MYRIP: variants seen among roughly 807,000 people sequenced by gnomAD.
MYRIP encodes rab effector MyRIP.
MYRIP carries 49 observed loss-of-function variants against 98.0 expected under a neutral mutation model. The observed-to-expected ratio is 0.50, with a 90% CI of 0.40 to 0.63. The LOEUF (loss-of-function observed/expected upper bound fraction) is 0.63. Among genes scored for constraint, MYRIP ranks in the 30% least tolerant of loss-of-function variants. The probability of loss-of-function intolerance (pLI) is 0.00; values close to 1 mark genes in which losing one functional copy is unlikely to be tolerated. For missense variants in MYRIP, 1,004 were observed against 1,058.2 expected, an observed-to-expected ratio of 0.95 and a Z score of 0.71; for synonymous variants, 404 against 409.5, an observed-to-expected ratio of 0.99 and a Z score of 0.16.
intron 8 of MYRIP, 129 bp from the exon 9 acceptor site, chr3:40,182,091 G>T: frequency 9.8e-7 from 1 of 1,020,680 alleles, no homozygotes; most frequent in Non-Finnish European, 1.4e-6. Flanking sequence ...TAAGGCTCAC[G>T]TGAAAAGAGC....
chr3:39,886,104 G>C (rs1943295540), intron 1 of MYRIP, among the ~76,000 whole-genome samples: 1 of 151,728 alleles, frequency 6.6e-6, no homozygotes, highest in African/African-American at 2.4e-5. Context: ...CATAAGTGAA[G>C]GAGAAATAAA....
chr3:40,220,347 C>T (rs1952300005), intron 11 of MYRIP, among the ~76,000 whole-genome samples: 1 of 152,074 alleles, frequency 6.6e-6, no homozygotes, highest in African/African-American at 2.4e-5. Flanking sequence ...TAATTAGATC[C>T]CATTTGTCAA....
chr3:40,204,660 T>G (rs906762551), intron 10 of MYRIP, among the ~76,000 whole-genome samples: 1 of 152,160 alleles, frequency 6.6e-6, no homozygotes. Flanking sequence ...TAAACCCGCC[T>G]TTCCTAGGTA....
chr3:40,219,333 T>A (rs952201074), intron 11 of MYRIP, among the ~76,000 whole-genome samples: 5 of 152,254 alleles, frequency 3.3e-5, no homozygotes, highest in African/African-American at 1.2e-4. Context: ...ATTTTATTTT[T>A]TAAACTTTAT....
chr3:39,886,520 A>C (rs1204207578), intron 1 of MYRIP, among the ~76,000 whole-genome samples: 1 of 151,636 alleles, frequency 6.6e-6, no homozygotes, highest in African/African-American at 2.4e-5. Flanking sequence ...GAAAACAAAA[A>C]AAGGCAGGGG....
intron 2 of MYRIP, among the ~76,000 whole-genome samples, chr3:39,957,692 G>A (rs1945203596): frequency 6.6e-6 from 1 of 151,338 alleles, no homozygotes; most frequent in African/African-American, 2.5e-5. Context: ...AATCAGGCAG[G>A]AGAAAGAAAT....
chr3:39,877,892 A>G (rs1044633907), intron 1 of MYRIP, among the ~76,000 whole-genome samples: 67 of 151,818 alleles, frequency 4.4e-4, no homozygotes, highest in Non-Finnish European at 5.6e-4. Context: ...ACAGGGACAT[A>G]TAAGTCTGCA....
At chr3:39,955,419 G>C (rs1311781717) in intron 2 of MYRIP, among the ~76,000 whole-genome samples, 1 of 152,088 alleles carries the variant, frequency 6.6e-6, no homozygotes, top group Admixed American at 6.6e-5. Flanking sequence ...TTCATATCCA[G>C]CCAAACTAAG....
intron 2 of MYRIP, among the ~76,000 whole-genome samples, chr3:39,996,344 C>A (rs1946354066): frequency 1.3e-5 from 2 of 151,980 alleles, no homozygotes; most frequent in Admixed American, 6.6e-5. Flanking sequence ...GAAGATCTAC[C>A]AAGCAAATGG....
chr3:40,247,672 C>T (rs1179265756), intron 13 of MYRIP, among the ~76,000 whole-genome samples: 2 of 152,098 alleles, frequency 1.3e-5, no homozygotes, highest in Admixed American at 1.3e-4. Flanking sequence ...TACAGGCACG[C>T]ACCACCACGT....
intron 3 of MYRIP, among the ~76,000 whole-genome samples, chr3:40,133,097 G>C (rs1949680725): frequency 1.3e-5 from 2 of 152,240 alleles, no homozygotes; most frequent in African/African-American, 4.8e-5. Context: ...AGGCCACACT[G>C]TGTGGTGCCT....
chr3:39,955,677 A>G (rs933127601), intron 2 of MYRIP, among the ~76,000 whole-genome samples: 1 of 152,160 alleles, frequency 6.6e-6, no homozygotes, highest in Non-Finnish European at 1.5e-5. Flanking sequence ...ACACATAACA[A>G]TATTAACCTT....
chr3:40,250,637 G>T (rs1158429469), intron 15 of MYRIP, 138 bp downstream of exon 15: 1 of 1,037,192 alleles, frequency 9.6e-7, no homozygotes, highest in Non-Finnish European at 1.4e-6. Flanking sequence ...ATCTTGATTT[G>T]GGTCCCCCCA....
At chr3:39,949,892 C>T (rs970628661) in intron 2 of MYRIP, among the ~76,000 whole-genome samples, 3 of 152,148 alleles carry the variant, frequency 2.0e-5, no homozygotes, top group Non-Finnish European at 4.4e-5. Flanking sequence ...AAAATAGTCT[C>T]TTCCTTAGAA....
chr3:39,826,591 T>A (rs1327868699), intron 1 of MYRIP, among the ~76,000 whole-genome samples: 2 of 152,156 alleles, frequency 1.3e-5, no homozygotes, highest in East Asian at 3.8e-4. Flanking sequence ...CCCTTGAGAA[T>A]GTTATATGCG....
Position 40,234,028 on chromosome 3 carries a change from A to C in MYRIP, c.2075A>C (p.Glu692Ala). Residue 692 changes from glutamate to alanine, a missense_variant, in exon 12 of 17, where the codon GAG (glutamate) becomes GCG (alanine). Physicochemically the swap from Glu to Ala is moderately radical, Grantham distance 107 (BLOSUM62 -1). Coordinates refer to ENST00000302541, the MANE Select transcript of MYRIP (RefSeq NM_015460.4). ...GGGACAGACCAAGTGAGACTGGATG[A>C]GCAGCTGACTTCCCTGGAAGAAAAT... ...PRGTDQVRLDEQLTSLEENVY... is the reference protein window; with the variant it reads ...PRGTDQVRLDAQLTSLEENVY... 6.2e-7 allele frequency: 1 copy of C among 1,606,334 alleles called. No homozygotes were observed. The highest frequency in any genetic ancestry group is 1.1e-5 in the South Asian group (1 of 89,202).
intron 2 of MYRIP, among the ~76,000 whole-genome samples, chr3:39,963,912 G>A (rs541937948): frequency 3.9e-5 from 6 of 152,180 alleles, no homozygotes; most frequent in Admixed American, 1.3e-4. Flanking sequence ...AGAATAGCCC[G>A]GAAGGATTGT....
At chr3:39,946,626 G>A (rs1030032802) in intron 2 of MYRIP, among the ~76,000 whole-genome samples, 1 of 152,174 alleles carries the variant, frequency 6.6e-6, no homozygotes, top group African/African-American at 2.4e-5. Flanking sequence ...AGAGACCTCA[G>A]TCCTACTACT....
chr3:40,117,700 C>T (rs891478813), intron 3 of MYRIP, among the ~76,000 whole-genome samples: 1 of 152,164 alleles, frequency 6.6e-6, no homozygotes, highest in Non-Finnish European at 1.5e-5. Context: ...ATAAAGGCAG[C>T]TTTATAGCCA....
Sources: allele counts gnomAD v4.1 joint callset (sites outside exome capture counted in the v4.1 genomes callset), GRCh38; gene constraint gnomAD v4.1.1; transcripts MANE v1.5; gene names NCBI Gene and HGNC (gene_info 2026-07-23, HGNC 2026-07-21).